MAPKAP1: variants seen among roughly 807,000 people sequenced by gnomAD.
MAPKAP1 encodes MAPK associated protein 1.
In MAPKAP1, 20 loss-of-function variants were observed where a neutral mutation model predicts 65.7. That is an observed-to-expected ratio of 0.30 (90% confidence interval 0.21 to 0.44). MAPKAP1 has a LOEUF of 0.44. Ranked by LOEUF, MAPKAP1 falls within the 20% of genes least tolerant of loss-of-function variation. MAPKAP1 has a pLI of 1.00. For synonymous variants in MAPKAP1, 222 were observed against 244.3 expected (o/e 0.91, Z 0.85); for missense variants, 423 against 648.0 (o/e 0.65, Z 3.77).
chr9:125,498,105 TGTA>T (rs1221770779), intron 8 of MAPKAP1, among the ~76,000 whole-genome samples: 2 of 152,226 alleles, frequency 1.3e-5, no homozygotes, highest in Non-Finnish European at 2.9e-5. Flanking sequence ...GGCTGAAGGA[TGTA>T]GTAGATTATC....
intron 1 of MAPKAP1, among the ~76,000 whole-genome samples, chr9:125,683,298 T>C (rs893053658): frequency 2.0e-5 from 3 of 152,116 alleles, no homozygotes; most frequent in Admixed American, 1.3e-4. Flanking sequence ...CCCTTGAGTG[T>C]GGGTGGAATC....
chr9:125,612,005 A>G (rs1282265805), intron 4 of MAPKAP1, among the ~76,000 whole-genome samples: 2 of 152,200 alleles, frequency 1.3e-5, no homozygotes, highest in African/African-American at 4.8e-5. Context: ...TGAAATATTT[A>G]CACTATACTT....
At chr9:125,531,001 A>T (rs1829918513) in intron 7 of MAPKAP1, among the ~76,000 whole-genome samples, 1 of 152,248 alleles carries the variant, frequency 6.6e-6, no homozygotes. Flanking sequence ...CTATTTACAG[A>T]AAAGACAACT....
intron 3 of MAPKAP1, among the ~76,000 whole-genome samples, chr9:125,662,575 C>T (rs995502891): frequency 5.9e-5 from 9 of 152,026 alleles, no homozygotes; most frequent in African/African-American, 1.4e-4. Context: ...CCCAGCTACT[C>T]GGGAGGCTGA....
rs187698544 is a variant in MAPKAP1, at chr9:125,679,442, A to G, written c.-69-6799T>C. Among the ~76,000 whole-genome samples the G allele has an allele frequency of 1.2e-4, 19 of 152,286 alleles. No individual in the cohort carries two copies. The East Asian group carries it at 3.5e-3, about 28-fold the overall frequency. On this transcript the variant is annotated intron_variant, in intron 1 of 11. Transcript: ENST00000265960. ...AACCCTTAGCTCCCCTCCACTAACAACAGTGCTTGTACAACAGCAAGAAAC... is the reference window on the plus strand; with the variant it reads ...AACCCTTAGCTCCCCTCCACTAACAGCAGTGCTTGTACAACAGCAAGAAAC...
Position 125,595,839 on chromosome 9 carries a change from G to C in MAPKAP1, c.499-10112C>G. 6 of 1,136,896 alleles carry C rather than the reference G, an allele frequency of 5.3e-6. No homozygotes were observed. Among genetic ancestry groups the C allele is most frequent in the Non-Finnish European group, 7.9e-6 (6 of 760,536 alleles). 70.4% of individuals were successfully genotyped at this position (1,136,896 alleles called of 1,614,324 possible). The stretch of plus-strand genomic sequence containing the variant: ...AACACCAAGCGTTCCGGGGGTTTTG[G>C]GTTTGTCACCTATGCCACTGTGGAG... On this transcript the variant is annotated intron_variant, in intron 4 of 11. Transcript: ENST00000265960. This position sits in a 1 kb window ranked among gnomAD's most constrained non-coding sequence, Gnocchi z 4.0.
At chr9:125,486,805 T>C (rs1030039363) in intron 8 of MAPKAP1, among the ~76,000 whole-genome samples, 1 of 151,982 alleles carries the variant, frequency 6.6e-6, no homozygotes, top group African/African-American at 2.4e-5. Flanking sequence ...TCTCCCCATC[T>C]CATTCTCTCC....
chr9:125,655,724 G>A (rs1834015474), intron 4 of MAPKAP1, among the ~76,000 whole-genome samples: 1 of 152,178 alleles, frequency 6.6e-6, no homozygotes, highest in African/African-American at 2.4e-5. Flanking sequence ...ATTGTAATAT[G>A]TAAGATAATA....
At position 125,577,377 on chromosome 9, in the gene MAPKAP1, G is replaced by A. The variant is rs557428800; in HGVS notation, c.671+8178C>T. 4.3e-3 allele frequency among the ~76,000 whole-genome samples: 645 copies of A among 149,812 alleles called. 4 individuals are homozygous for A. The highest frequency in any genetic ancestry group is 0.015 in the African/African-American group (601 of 40,766). ...TCTCCGCCCGGCAGCCACCCCGTCCGGGAGGGAGGTGGGGGGTCAGCCCCC... is the reference window on the plus strand; with the variant it reads ...TCTCCGCCCGGCAGCCACCCCGTCCAGGAGGGAGGTGGGGGGTCAGCCCCC... On this transcript the variant is annotated intron_variant, in intron 5 of 11. Transcript: ENST00000265960.
intron 10 of MAPKAP1, among the ~76,000 whole-genome samples, chr9:125,455,143 A>G (rs1853118178): frequency 6.6e-6 from 1 of 152,196 alleles, no homozygotes; most frequent in African/African-American, 2.4e-5. Context: ...CCTCTGTTCC[A>G]TTTACAGATA....
chr9:125,506,918 G>A (rs1298255020), intron 7 of MAPKAP1, among the ~76,000 whole-genome samples: 3 of 150,940 alleles, frequency 2.0e-5, no homozygotes, highest in African/African-American at 7.3e-5. Context: ...TATAATAACA[G>A]TCCAAAAAAT....
At chr9:125,686,781 T>C (rs545335735) in intron 1 of MAPKAP1, among the ~76,000 whole-genome samples, 20 of 152,218 alleles carry the variant, frequency 1.3e-4, no homozygotes, top group African/African-American at 4.3e-4. Flanking sequence ...AGGTAAACCA[T>C]GTTGACTGAT....
chr9:125,577,562 T>TGGG (rs1275226731), intron 5 of MAPKAP1, among the ~76,000 whole-genome samples: 2 of 35,476 alleles, frequency 5.6e-5, no homozygotes, highest in Admixed American at 2.9e-4. Context: ...AGGAGGGAGG[T>TGGG]GGGGGGGTCA....
chr9:125,577,477 A>G (rs528903878), intron 5 of MAPKAP1, among the ~76,000 whole-genome samples: 91 of 139,838 alleles, frequency 6.5e-4, no homozygotes, highest in Middle Eastern at 3.9e-3. Context: ...CCCGTCTGGG[A>G]GGTGAGGGGC....
At chr9:125,630,775 C>A (rs1833257463) in intron 4 of MAPKAP1, among the ~76,000 whole-genome samples, 1 of 151,994 alleles carries the variant, frequency 6.6e-6, no homozygotes, top group Non-Finnish European at 1.5e-5. Context: ...GAGGCAGATC[C>A]CTCATGAATA....
At chr9:125,696,583 G>A (rs1564621577) in intron 1 of MAPKAP1, among the ~76,000 whole-genome samples, 2 of 151,496 alleles carry the variant, frequency 1.3e-5, no homozygotes, top group African/African-American at 4.9e-5. Flanking sequence ...GGCAAAACTT[G>A]AGATATGTCT....
intron 7 of MAPKAP1, among the ~76,000 whole-genome samples, chr9:125,517,966 C>A (rs1046947234): frequency 2.6e-5 from 4 of 152,100 alleles, no homozygotes. Flanking sequence ...GGGAGGCTTT[C>A]AAAAAAACTC....
chr9:125,456,099 T>G (rs1564516772), intron 10 of MAPKAP1, among the ~76,000 whole-genome samples: 1 of 152,204 alleles, frequency 6.6e-6, no homozygotes, highest in Non-Finnish European at 1.5e-5. Context: ...TTATTTCTAA[T>G]GAGAAGTCAG....
chr9:125,489,235 T>G (rs139204599), intron 8 of MAPKAP1, among the ~76,000 whole-genome samples: 57 of 152,342 alleles, frequency 3.7e-4, no homozygotes, highest in African/African-American at 1.3e-3. Context: ...CATTGGTATT[T>G]TGTTAAATTA....
Sources: allele counts gnomAD v4.1 joint callset (sites outside exome capture counted in the v4.1 genomes callset), GRCh38; gene constraint gnomAD v4.1.1; non-coding constraint Gnocchi (gnomAD v3.1); transcripts MANE v1.5; gene names NCBI Gene and HGNC (gene_info 2026-07-23, HGNC 2026-07-21).